The following CACNA1A variants were observed in gnomAD, a reference collection of about 807,000 sequenced individuals.
The protein encoded by CACNA1A is voltage-dependent P/Q-type calcium channel subunit alpha-1A.
Under a neutral mutation model 262.4 loss-of-function variants are expected in CACNA1A, and 57 were observed. That is an observed-to-expected ratio of 0.22 (90% CI 0.18 to 0.27). CACNA1A has a LOEUF of 0.27. Among genes scored for constraint, CACNA1A ranks in the 10% least tolerant of loss-of-function variants. CACNA1A has a pLI of 1.00. For synonymous variants in CACNA1A, 1,431 were observed against 1,419.3 expected (o/e 1.01, Z -0.18); for missense variants, 2,526 against 3,562.8 (o/e 0.71, Z 7.41).
At chr19:13,419,277 C>A (rs1253006324) in intron 3 of CACNA1A, among the ~76,000 whole-genome samples, 1 of 152,198 alleles carries the variant, frequency 6.6e-6, no homozygotes, top group Non-Finnish European at 1.5e-5. Flanking sequence ...ATAGGGTATG[C>A]CCCATAACTG....
intron 3 of CACNA1A, among the ~76,000 whole-genome samples, chr19:13,427,453 A>AAATAAATAAAT (rs2060422965): frequency 7.3e-6 from 1 of 136,186 alleles, no homozygotes; most frequent in African/African-American, 2.8e-5. Context: ...ACTCCATCTC[A>AAATAAATAAAT]AAATAAATAA....
At position 13,298,850 on chromosome 19, in the gene CACNA1A, G is replaced by C; in HGVS notation, c.2783C>G (p.Pro928Arg). ...CTGCCGGTGCACGTGCCTCCGGTGGGGGTCCCCGGCCTTGCCTCGCTCGGC... is the reference window on the plus strand; with the variant it reads ...CTGCCGGTGCACGTGCCTCCGGTGGCGGTCCCCGGCCTTGCCTCGCTCGGC... The part of the protein sequence containing the change: ...GEAERGKAGD[P>R]HRRHVHRQGG... The change falls in exon 19 of 47, where the codon CCC becomes CGC. Residue 928 changes from proline to arginine, a missense_variant. Transcript: ENST00000360228. The C allele has an allele frequency of 6.3e-7, 1 of 1,585,238 alleles. No individual in the cohort carries two copies. Among genetic ancestry groups the C allele is most frequent in the South Asian group, 1.1e-5 (1 of 89,118 alleles).
chr19:13,456,488 C>T (rs566540010), intron 1 of CACNA1A, among the ~76,000 whole-genome samples: 35 of 152,056 alleles, frequency 2.3e-4, no homozygotes, highest in South Asian at 2.1e-3. Flanking sequence ...CTGGCTAACA[C>T]GGTGAAACCC....
intron 12 of CACNA1A, among the ~76,000 whole-genome samples, chr19:13,310,947 C>T (rs1172478353): frequency 6.6e-6 from 1 of 152,040 alleles, no homozygotes; most frequent in Non-Finnish European, 1.5e-5. Context: ...TGTGCCACGA[C>T]GCCTGGCTAA....
At chr19:13,234,047 C>CCAA in intron 34 of CACNA1A, among the ~76,000 whole-genome samples, 1 of 33,628 alleles carries the variant, frequency 3.0e-5, no homozygotes. Flanking sequence ...GAGACTCCAT[C>CCAA]TAAAAAAAAA....
intron 6 of CACNA1A, among the ~76,000 whole-genome samples, chr19:13,352,056 A>G (rs775774889): frequency 2.6e-5 from 4 of 152,140 alleles, no homozygotes; most frequent in Non-Finnish European, 5.9e-5. Flanking sequence ...AGAAAGGTTC[A>G]TTCTCCTCCC....
At chr19:13,224,436 G>GCGAT (rs2055354984) in intron 38 of CACNA1A, among the ~76,000 whole-genome samples, 1 of 148,872 alleles carries the variant, frequency 6.7e-6, no homozygotes, top group Non-Finnish European at 1.5e-5. Context: ...GCAGTGACTT[G>GCGAT]CGATCATGTC....
chr19:13,322,218 A>AG (rs2058270181), intron 10 of CACNA1A, among the ~76,000 whole-genome samples: 1 of 151,706 alleles, frequency 6.6e-6, no homozygotes, highest in African/African-American at 2.4e-5. Flanking sequence ...AAAAAAAAAA[A>AG]AAGAAATCGC....
chr19:13,506,288 C>G lies in CACNA1A; in HGVS notation c.-64G>C. On this transcript the variant is annotated 5_prime_UTR_variant, in exon 1 of 47. Transcript: ENST00000360228. ...AACGATGCGGAAGACGCCGCCGCCGCCGCCGCCGCCGCTGATGCTGAGGCT... is the reference window on the plus strand; with the variant it reads ...AACGATGCGGAAGACGCCGCCGCCGGCGCCGCCGCCGCTGATGCTGAGGCT... The G allele has an allele frequency of 7.4e-7, 1 of 1,346,420 alleles. No homozygotes were observed. The highest frequency in any genetic ancestry group is 9.6e-7 in the Non-Finnish European group (1 of 1,046,360). 83.4% of individuals were successfully genotyped at this position (1,346,420 alleles called of 1,614,324 possible).
chr19:13,393,229 A>T (rs1392743521), intron 3 of CACNA1A, among the ~76,000 whole-genome samples: 2 of 152,242 alleles, frequency 1.3e-5, no homozygotes, highest in African/African-American at 4.8e-5. Flanking sequence ...CAAAGTAGAA[A>T]GCACCAAACT....
chr19:13,329,931 T>A (rs2058437777), intron 10 of CACNA1A, among the ~76,000 whole-genome samples: 1 of 152,058 alleles, frequency 6.6e-6, no homozygotes, highest in Non-Finnish European at 1.5e-5. Context: ...TATAAGCAGG[T>A]CCCCCATGAA....
rs557645475 is a variant in CACNA1A, at chr19:13,212,030, C to T, written c.6303+73G>A. On this transcript the variant is annotated intron_variant, in intron 43 of 46. Coordinates refer to ENST00000360228, the MANE Select transcript of CACNA1A (RefSeq NM_001127222.2). This position sits in a 1 kb window ranked among gnomAD's most constrained non-coding sequence, Gnocchi z 5.6. ...GGCAGGGAGGGGATGCACTGGGCTG[C>T]TTGTGGGGGGGCCTGGCCCTACCCA... The T allele has an allele frequency of 3.6e-6, 4 of 1,107,796 alleles. No individual in the cohort carries two copies. The highest frequency in any genetic ancestry group is 2.4e-5 in the East Asian group (1 of 41,734). The allele number at this position is 1,107,796 out of a possible 1,614,324, so 68.6% of individuals were successfully genotyped here.
At chr19:13,404,363 G>A (rs1179207967) in intron 3 of CACNA1A, among the ~76,000 whole-genome samples, 3 of 152,172 alleles carry the variant, frequency 2.0e-5, no homozygotes, top group Non-Finnish European at 4.4e-5. Context: ...GGAACAGTGT[G>A]TTCCAGTCAA....
intron 1 of CACNA1A, among the ~76,000 whole-genome samples, chr19:13,476,029 G>C (rs1035060010): frequency 2.0e-5 from 3 of 152,286 alleles, no homozygotes; most frequent in African/African-American, 7.2e-5. Flanking sequence ...TACACTTCTT[G>C]TTCTTCCTCT....
chr19:13,220,505 C>T (rs1445378690), intron 38 of CACNA1A, among the ~76,000 whole-genome samples: 1 of 152,160 alleles, frequency 6.6e-6, no homozygotes, highest in African/African-American at 2.4e-5. Flanking sequence ...TCTGCCAACA[C>T]CTGAATGAAC....
rs1390782540 is a variant in CACNA1A, at chr19:13,214,599, T to C, written c.5741A>G (p.Asp1914Gly). The C allele has an allele frequency of 6.2e-7, 1 of 1,613,516 alleles. No homozygotes were observed. Among genetic ancestry groups the C allele is most frequent in the Admixed American group, 1.7e-5 (1 of 59,956 alleles). ...CAGCTCAGCGTCCATCTGCTGTTTG[T>C]CGGCTCCTCCTGCAATGGGGGTGTA... ...LDIKIAKGGA[D>G]KQQMDAELRK... The change falls in exon 39 of 47, where the codon GAC (aspartate) becomes GGC (glycine). Residue 1914 changes from aspartate to glycine, a missense_variant. Transcript: ENST00000360228. This position sits in a 1 kb window ranked among gnomAD's most constrained non-coding sequence, Gnocchi z 4.1.
At chr19:13,398,798 A>AT (rs1293909586) in intron 3 of CACNA1A, among the ~76,000 whole-genome samples, 3 of 152,228 alleles carry the variant, frequency 2.0e-5, no homozygotes, top group Admixed American at 6.5e-5. Flanking sequence ...ACACCACCTG[A>AT]TGCATAGTAA....
At chr19:13,488,555 C>T (rs1599363350) in intron 1 of CACNA1A, among the ~76,000 whole-genome samples, 1 of 151,518 alleles carries the variant, frequency 6.6e-6, no homozygotes, top group South Asian at 2.1e-4. Context: ...TGTGCCACCA[C>T]ACCTGGGTAA....
chr19:13,227,903 C>CTTTTTTTTTTT (rs34218031), intron 36 of CACNA1A, among the ~76,000 whole-genome samples: 1 of 74,260 alleles, frequency 1.3e-5, no homozygotes, highest in Non-Finnish European at 2.3e-5. Flanking sequence ...TGTTCATTGC[C>CTTTTTTTTTTT]TTTTTTTTTT....
Sources: gnomAD v4.1 joint callset for allele counts (sites outside exome capture counted in the v4.1 genomes callset) on GRCh38, gnomAD v4.1.1 for gene constraint, Gnocchi (gnomAD v3.1) non-coding constraint, MANE v1.5 for transcripts, NCBI Gene and HGNC (gene_info 2026-07-23, HGNC 2026-07-21) for gene names.